The following P4HA1 variants were observed in gnomAD, a reference collection of about 807,000 sequenced individuals.
The protein encoded by P4HA1 is prolyl 4-hydroxylase subunit alpha-1.
P4HA1 carries 24 observed loss-of-function variants against 72.8 expected under a neutral mutation model. The observed-to-expected ratio is 0.33, with a 90% CI of 0.24 to 0.46. The LOEUF (loss-of-function observed/expected upper bound fraction) is 0.46, where lower values mean the gene tolerates loss of function less well. P4HA1 is among the 20% of genes least tolerant of loss of function. The probability of loss-of-function intolerance (pLI) is 1.00; values close to 1 mark genes in which losing one functional copy is unlikely to be tolerated. For missense variants in P4HA1, 446 were observed against 640.6 expected, an observed-to-expected ratio of 0.70 and a Z score of 3.28; for synonymous variants, 201 against 218.8, an observed-to-expected ratio of 0.92 and a Z score of 0.72.
At chr10:73,079,475 C>T (rs932265362) in intron 1 of P4HA1, among the ~76,000 whole-genome samples, 2 of 152,136 alleles carry the variant, frequency 1.3e-5, no homozygotes, top group Admixed American at 6.5e-5. Context: ...GGAGCGGTGG[C>T]TCACGCCTGT....
intron 5 of P4HA1, among the ~76,000 whole-genome samples, chr10:73,062,880 TCAAA>T (rs1841343212): frequency 6.6e-6 from 1 of 152,160 alleles, no homozygotes; most frequent in South Asian, 2.1e-4. Context: ...AATTCCAGTA[TCAAA>T]CAGAGTCCAA....
At chr10:73,071,047 G>A (rs943777934) in intron 4 of P4HA1, among the ~76,000 whole-genome samples, 10 of 151,816 alleles carry the variant, frequency 6.6e-5, no homozygotes, top group African/African-American at 1.7e-4. Context: ...TTGGCCTGGC[G>A]TGGTGGTCTA....
intron 5 of P4HA1, among the ~76,000 whole-genome samples, chr10:73,057,443 T>C (rs1841178331): frequency 6.6e-6 from 1 of 152,070 alleles, no homozygotes; most frequent in South Asian, 2.1e-4. Context: ...TAAGCCAAGA[T>C]GGCGCTACTG....
At chr10:73,024,349 C>T (rs1388618753) in intron 10 of P4HA1, among the ~76,000 whole-genome samples, 1 of 152,154 alleles carries the variant, frequency 6.6e-6, no homozygotes, top group African/African-American at 2.4e-5. Context: ...CACTCAAAAC[C>T]ACACAACTAC....
chr10:73,069,204 C>T (rs144638512), intron 4 of P4HA1, among the ~76,000 whole-genome samples: 6 of 152,274 alleles, frequency 3.9e-5, no homozygotes, highest in South Asian at 2.1e-4. Flanking sequence ...AGGACTGTGA[C>T]GCTGTTATAT....
rs1589579659 is a variant in P4HA1, at chr10:73,023,682, A to G, written c.1248+6589T>C. Among the ~76,000 whole-genome samples the G allele has an allele frequency of 3.3e-5, 5 of 152,310 alleles. No individual in the cohort carries two copies. The South Asian group carries it at 6.2e-4, about 19-fold the overall frequency. On this transcript the variant is annotated intron_variant, in intron 10 of 14. Transcript: ENST00000394890. The stretch of plus-strand genomic sequence containing the variant: ...AAATGTAAATGGGCTAAATGTCCCA[A>G]TGAAAAGGCACAGACTGGCAAATTG...
Position 73,008,826 on chromosome 10 carries a change from A to ATTTT in P4HA1, c.1535-538_1535-535dup, listed in dbSNP as rs10649250. 4.6e-4 allele frequency among the ~76,000 whole-genome samples: 69 copies of ATTTT among 149,044 alleles called. 1 individual carries two copies. The highest frequency in any genetic ancestry group is 1.6e-3 in the African/African-American group (67 of 40,814). On this transcript the variant is annotated intron_variant, in intron 14 of 14. Transcript: ENST00000394890. ...GTATCCCAAAAGCAGTTAATTTTCT[A>ATTTT]TTTTTTTTTTGTCTCTGGTACCATA... is the stretch of plus-strand genomic sequence containing the variant.
At chr10:73,017,374 G>A (rs1840035450) in intron 10 of P4HA1, among the ~76,000 whole-genome samples, 2 of 151,882 alleles carry the variant, frequency 1.3e-5, no homozygotes, top group African/African-American at 4.8e-5. Context: ...GGAGTGCAGT[G>A]ATGCAATCAG....
At chr10:73,064,244 G>A (rs146118263) in intron 5 of P4HA1, among the ~76,000 whole-genome samples, 1 of 152,110 alleles carries the variant, frequency 6.6e-6, no homozygotes, top group East Asian at 1.9e-4. Flanking sequence ...CGGGGTGCGG[G>A]GGGGTGGATT....
chr10:73,015,697 T>C (rs1302767833), intron 11 of P4HA1, among the ~76,000 whole-genome samples: 1 of 152,200 alleles, frequency 6.6e-6, no homozygotes, highest in Non-Finnish European at 1.5e-5. Context: ...AGAGCTGTTA[T>C]TCCCAAAGCT....
chr10:73,054,774 T>C (rs1332942266), intron 5 of P4HA1, among the ~76,000 whole-genome samples: 1 of 152,218 alleles, frequency 6.6e-6, no homozygotes, highest in Non-Finnish European at 1.5e-5. Flanking sequence ...ATTGTCCTTT[T>C]TTATTGTAGA....
At chr10:73,034,942 T>A (rs1312118958) in intron 9 of P4HA1, among the ~76,000 whole-genome samples, 4 of 152,194 alleles carry the variant, frequency 2.6e-5, no homozygotes, top group Non-Finnish European at 5.9e-5. Flanking sequence ...CATTTCCTTT[T>A]TTAAGGCTGA....
At chr10:73,022,216 TAACTGGGGGA>T (rs1840152633) in intron 10 of P4HA1, among the ~76,000 whole-genome samples, 1 of 152,146 alleles carries the variant, frequency 6.6e-6, no homozygotes, top group Non-Finnish European at 1.5e-5. Flanking sequence ...CCGTGTAGCC[TAACTGGGGGA>T]AACCTCCCAG....
intron 2 of P4HA1, among the ~76,000 whole-genome samples, chr10:73,074,543 G>GAT (rs1260016438): frequency 6.6e-6 from 1 of 151,934 alleles, no homozygotes; most frequent in Non-Finnish European, 1.5e-5. Flanking sequence ...AAGCAGATTA[G>GAT]ATATATATGC....
At chr10:73,094,542 A>G (rs866416897) in intron 1 of P4HA1, among the ~76,000 whole-genome samples, 15 of 152,354 alleles carry the variant, frequency 9.8e-5, no homozygotes, top group Middle Eastern at 3.4e-3. Context: ...TCACAGGTCA[A>G]TTCAAGAGCA....
chr10:73,057,947 C>T (rs933531498), intron 5 of P4HA1, among the ~76,000 whole-genome samples: 5 of 151,500 alleles, frequency 3.3e-5, no homozygotes, highest in African/African-American at 4.8e-5. Context: ...AAAAATTAGC[C>T]GGGCATGGTA....
At chr10:73,083,188 G>A (rs1841859357) in intron 1 of P4HA1, among the ~76,000 whole-genome samples, 2 of 152,122 alleles carry the variant, frequency 1.3e-5, no homozygotes, top group Admixed American at 1.3e-4. Flanking sequence ...TAATCCCTCT[G>A]CAAATTGCCA....
chr10:73,085,289 C>T (rs1228660334), intron 1 of P4HA1, among the ~76,000 whole-genome samples: 2 of 152,040 alleles, frequency 1.3e-5, no homozygotes, highest in African/African-American at 4.8e-5. Context: ...TGCTGTGCTT[C>T]AAGAAAGCGA....
chr10:73,011,760 T>C (rs1241185285), intron 12 of P4HA1, among the ~76,000 whole-genome samples: 1 of 152,054 alleles, frequency 6.6e-6, no homozygotes, highest in Non-Finnish European at 1.5e-5. Flanking sequence ...ACATATTATA[T>C]CAGAGCTGCA....
Sources: gnomAD v4.1 joint callset for allele counts (sites outside exome capture counted in the v4.1 genomes callset) on GRCh38, gnomAD v4.1.1 for gene constraint, MANE v1.5 for transcripts, NCBI Gene and HGNC (gene_info 2026-07-23, HGNC 2026-07-21) for gene names.